The following DCC variants were observed in gnomAD, a reference collection of about 807,000 sequenced individuals.
DCC encodes the protein netrin receptor DCC.
In DCC, 58 loss-of-function variants were observed where a neutral mutation model predicts 172.5. The ratio of observed to expected loss-of-function variants is 0.34; its 90% CI spans 0.27 to 0.42. The LOEUF (loss-of-function observed/expected upper bound fraction) is 0.42, where lower values mean the gene tolerates loss of function less well. Among genes scored for constraint, DCC ranks in the 10% least tolerant of loss-of-function variants. The pLI, the probability that DCC is intolerant of heterozygous loss-of-function variation, is 1.00. For synonymous variants in DCC, 709 were observed against 644.5 expected, an observed-to-expected ratio of 1.10 and a Z score of -1.52; for missense variants, 1,740 against 1,791.0, an observed-to-expected ratio of 0.97 and a Z score of 0.51.
At chr18:52,515,122 G>A (rs145880816) in intron 1 of DCC, among the ~76,000 whole-genome samples, 4 of 152,242 alleles carry the variant, frequency 2.6e-5, no homozygotes, top group East Asian at 1.9e-4. Context: ...CAGAATAGGA[G>A]GCTCAGAAAT....
chr18:52,862,464 A>C (rs573981641), intron 2 of DCC, among the ~76,000 whole-genome samples: 1 of 152,234 alleles, frequency 6.6e-6, no homozygotes, highest in African/African-American at 2.4e-5. Context: ...ACACTTTGGG[A>C]GGCTGAGGCA....
intron 12 of DCC, among the ~76,000 whole-genome samples, chr18:53,288,476 A>T (rs1471885112): frequency 6.6e-6 from 1 of 152,170 alleles, no homozygotes; most frequent in Non-Finnish European, 1.5e-5. Context: ...AAAATCTTTT[A>T]AAATATTTTA....
chr18:52,834,978 CTA>C lies in DCC; in HGVS notation c.413-71064_413-71063del, dbSNP rs1379125361. Among the ~76,000 whole-genome samples, 4 of 152,200 alleles carry C rather than the reference CTA, an allele frequency of 2.6e-5. No individual in the cohort carries two copies. In the East Asian group the frequency reaches 5.8e-4, roughly 22 times the overall value. On this transcript the variant is annotated intron_variant, in intron 2 of 28. Coordinates refer to ENST00000442544, the MANE Select transcript of DCC (RefSeq NM_005215.4). ...TTTCATGTTACTGCTCGATATTAAA[CTA>C]TTTCTTCTTTTGTAGGAATTCTATG...
At chr18:52,376,285 A>C (rs1369855428) in intron 1 of DCC, among the ~76,000 whole-genome samples, 1 of 152,166 alleles carries the variant, frequency 6.6e-6, no homozygotes, top group Non-Finnish European at 1.5e-5. Context: ...AGAAAATAGC[A>C]CTTTGGTTTC....
chr18:52,802,457 T>C (rs2038008426), intron 2 of DCC, among the ~76,000 whole-genome samples: 1 of 135,278 alleles, frequency 7.4e-6, no homozygotes, highest in African/African-American at 2.7e-5. Flanking sequence ...CAAAAACCCA[T>C]ATATAACTTT....
intron 2 of DCC, among the ~76,000 whole-genome samples, chr18:52,785,072 G>C (rs925219842): frequency 6.6e-6 from 1 of 151,962 alleles, no homozygotes; most frequent in Admixed American, 6.6e-5. Flanking sequence ...GATCAGGCAC[G>C]AGGTTTACAT....
intron 8 of DCC, among the ~76,000 whole-genome samples, chr18:53,167,425 C>T (rs1418386457): frequency 1.3e-5 from 2 of 152,048 alleles, no homozygotes; most frequent in Non-Finnish European, 2.9e-5. Context: ...AAGTAGATCC[C>T]ACTCTCCATT....
chr18:52,561,652 A>G (rs568274857), intron 1 of DCC, among the ~76,000 whole-genome samples: 5 of 152,238 alleles, frequency 3.3e-5, no homozygotes, highest in Admixed American at 1.3e-4. Flanking sequence ...TCACTTGCCT[A>G]CTGTAACAAC....
chr18:52,462,728 A>G (rs1335422568), intron 1 of DCC, among the ~76,000 whole-genome samples: 1 of 152,072 alleles, frequency 6.6e-6, no homozygotes, highest in Non-Finnish European at 1.5e-5. Context: ...ACTTCCCTAC[A>G]CTAAAATGTA....
intron 13 of DCC, among the ~76,000 whole-genome samples, chr18:53,313,732 A>C (rs8089704): frequency 0.27 from 41,022 of 152,056 alleles, 6,397 homozygotes; most frequent in African/African-American, 0.42. Flanking sequence ...TAGTGCTTTA[A>C]ATTTGTTGCT....
At chr18:52,385,825 T>C (rs1985775485) in intron 1 of DCC, among the ~76,000 whole-genome samples, 1 of 152,068 alleles carries the variant, frequency 6.6e-6, no homozygotes. Flanking sequence ...TGTTGTGTAG[T>C]GCTTGGTATA....
intron 1 of DCC, among the ~76,000 whole-genome samples, chr18:52,748,203 C>G (rs1035876618): frequency 1.3e-5 from 2 of 152,190 alleles, no homozygotes; most frequent in Non-Finnish European, 2.9e-5. Flanking sequence ...CGCTGGTTCC[C>G]TGTGAGGCGG....
intron 27 of DCC, among the ~76,000 whole-genome samples, chr18:53,511,588 G>A (rs2046252963): frequency 6.6e-6 from 1 of 152,214 alleles, no homozygotes. Context: ...AGTGGGCGCA[G>A]GTCAGTGGGT....
At chr18:52,633,499 C>A (rs948555806) in intron 1 of DCC, among the ~76,000 whole-genome samples, 2 of 152,188 alleles carry the variant, frequency 1.3e-5, no homozygotes, top group African/African-American at 4.8e-5. Context: ...CCCCTTTATG[C>A]ACTTTAATTC....
chr18:52,766,694 G>A (rs1473026707), intron 2 of DCC, among the ~76,000 whole-genome samples: 1 of 151,998 alleles, frequency 6.6e-6, no homozygotes, highest in East Asian at 1.9e-4. Context: ...TCTCCCCTCT[G>A]CTGGCTGAGT....
chr18:52,453,934 G>A (rs888704193), intron 1 of DCC, among the ~76,000 whole-genome samples: 1 of 152,164 alleles, frequency 6.6e-6, no homozygotes, highest in Non-Finnish European at 1.5e-5. Context: ...AGTGGCTGAA[G>A]AGCAGGTCAC....
intron 18 of DCC, among the ~76,000 whole-genome samples, chr18:53,398,526 T>A (rs567825443): frequency 6.6e-6 from 1 of 152,060 alleles, no homozygotes; most frequent in Non-Finnish European, 1.5e-5. Flanking sequence ...TTGGATAGAG[T>A]AAACAAGTAA....
chr18:53,424,763 C>T (rs1910811818), intron 21 of DCC, among the ~76,000 whole-genome samples: 1 of 152,182 alleles, frequency 6.6e-6, no homozygotes, highest in African/African-American at 2.4e-5. Context: ...ATATAATTTG[C>T]TCAGGCACAA....
chr18:52,861,109 C>A (rs923509866), intron 2 of DCC, among the ~76,000 whole-genome samples: 1 of 151,932 alleles, frequency 6.6e-6, no homozygotes, highest in African/African-American at 2.4e-5. Context: ...TAAAGCCAAG[C>A]TAAGTATTTG....
Sources: gnomAD v4.1 joint callset for allele counts (sites outside exome capture counted in the v4.1 genomes callset) on GRCh38, gnomAD v4.1.1 for gene constraint, MANE v1.5 for transcripts, NCBI Gene and HGNC (gene_info 2026-07-23, HGNC 2026-07-21) for gene names.